CTNNA2: variants seen among roughly 807,000 people sequenced by gnomAD.
The protein encoded by CTNNA2 is catenin alpha-2.
A neutral mutation model predicts 101.0 loss-of-function variants in CTNNA2; 42 were observed. That is an observed-to-expected ratio of 0.42 (90% CI 0.32 to 0.54). The LOEUF is 0.54. Among genes scored for constraint, CTNNA2 ranks in the 20% least tolerant of loss-of-function variants. The pLI is 0.14. For synonymous variants in CTNNA2, 450 were observed against 456.4 expected, an observed-to-expected ratio of 0.99 and a Z score of 0.18; for missense variants, 871 against 1,223.1, an observed-to-expected ratio of 0.71 and a Z score of 4.29.
At chr2:79,396,989 C>T (rs1287251484) in intron 4 of CTNNA2, among the ~76,000 whole-genome samples, 1 of 152,068 alleles carries the variant, frequency 6.6e-6, no homozygotes, top group East Asian at 1.9e-4. Context: ...ATTTCTGGGA[C>T]TCACTCCCAG....
intron 1 of CTNNA2, among the ~76,000 whole-genome samples, chr2:79,539,756 C>T (rs1673295833): frequency 6.6e-6 from 1 of 152,050 alleles, no homozygotes; most frequent in South Asian, 2.1e-4. Flanking sequence ...ACTATCTGTC[C>T]TTCCACTTCC....
chr2:79,571,564 A>G (rs188949728), intron 1 of CTNNA2, among the ~76,000 whole-genome samples: 4 of 152,112 alleles, frequency 2.6e-5, no homozygotes, highest in African/African-American at 9.6e-5. Context: ...TTCCTAACTG[A>G]TCTTTCTTCT....
At chr2:79,967,761 AG>A (rs1378504718) in intron 7 of CTNNA2, among the ~76,000 whole-genome samples, 1 of 152,230 alleles carries the variant, frequency 6.6e-6, no homozygotes, top group African/African-American at 2.4e-5. Flanking sequence ...AAACAAATAC[AG>A]GTACACACAT....
At chr2:79,859,275 A>T (rs574400912) in intron 4 of CTNNA2, among the ~76,000 whole-genome samples, 2 of 152,218 alleles carry the variant, frequency 1.3e-5, no homozygotes, top group East Asian at 3.9e-4. Flanking sequence ...GCAGGTTATG[A>T]GGAGGGACCA....
chr2:80,444,538 G>A (rs1461752834), intron 9 of CTNNA2, among the ~76,000 whole-genome samples: 1 of 152,140 alleles, frequency 6.6e-6, no homozygotes, highest in Non-Finnish European at 1.5e-5. Context: ...ATTGTGGGAT[G>A]TTGATAGGGC....
intron 4 of CTNNA2, among the ~76,000 whole-genome samples, chr2:79,866,163 A>G (rs1558594115): frequency 6.6e-6 from 1 of 152,232 alleles, no homozygotes; most frequent in East Asian, 1.9e-4. Context: ...GGTACAGGCT[A>G]TTTTGAACAG....
intron 4 of CTNNA2, among the ~76,000 whole-genome samples, chr2:79,501,965 CTTT>C (rs59130555): frequency 1.9e-4 from 25 of 128,722 alleles, no homozygotes; most frequent in Admixed American, 3.2e-4. Flanking sequence ...GGATATTAGT[CTTT>C]TTTTTTTTTT....
At chr2:79,804,325 G>A (rs995944323) in intron 3 of CTNNA2, among the ~76,000 whole-genome samples, 1 of 152,160 alleles carries the variant, frequency 6.6e-6, no homozygotes, top group African/African-American at 2.4e-5. Flanking sequence ...TCTACCAGAT[G>A]AAGGGAAACA....
chr2:80,642,892 A>G (rs1225771424), intron 18 of CTNNA2, among the ~76,000 whole-genome samples: 1 of 152,108 alleles, frequency 6.6e-6, no homozygotes, highest in African/African-American at 2.4e-5. Context: ...ACACAAAATG[A>G]GGAGAGTATA....
chr2:79,575,961 A>G (rs1364791399), intron 1 of CTNNA2, among the ~76,000 whole-genome samples: 1 of 152,190 alleles, frequency 6.6e-6, no homozygotes, highest in African/African-American at 2.4e-5. Context: ...TGCTGTGAAC[A>G]CCAAATGAGA....
At chr2:79,412,650 G>T (rs1045266947) in intron 4 of CTNNA2, among the ~76,000 whole-genome samples, 1 of 152,012 alleles carries the variant, frequency 6.6e-6, no homozygotes. Flanking sequence ...TGACTACTGG[G>T]TACATAACGA....
intron 7 of CTNNA2, among the ~76,000 whole-genome samples, chr2:79,926,295 A>G (rs182959075): frequency 1.3e-5 from 2 of 152,250 alleles, no homozygotes; most frequent in African/African-American, 4.8e-5. Flanking sequence ...AACTCTTGGC[A>G]TGCATCATTT....
intron 4 of CTNNA2, among the ~76,000 whole-genome samples, chr2:79,867,019 T>C (rs1287652332): frequency 6.6e-6 from 1 of 152,158 alleles, no homozygotes; most frequent in African/African-American, 2.4e-5. Flanking sequence ...TACTTAACAT[T>C]CTTCATGGTG....
chr2:80,481,649 T>C (rs1416845945), intron 9 of CTNNA2, among the ~76,000 whole-genome samples: 1 of 152,144 alleles, frequency 6.6e-6, no homozygotes, highest in African/African-American at 2.4e-5. Context: ...TTTTTCGTCT[T>C]ATTCTGCTTC....
At chr2:80,360,197 T>G (rs975413078) in intron 7 of CTNNA2, among the ~76,000 whole-genome samples, 3 of 152,150 alleles carry the variant, frequency 2.0e-5, no homozygotes, top group Non-Finnish European at 2.9e-5. Context: ...TTTTTTCTGG[T>G]GAACCATAAG....
At chr2:79,500,280 A>T (rs775459786) in intron 4 of CTNNA2, among the ~76,000 whole-genome samples, 4 of 152,070 alleles carry the variant, frequency 2.6e-5, no homozygotes, top group Non-Finnish European at 5.9e-5. Flanking sequence ...CAACATCTAA[A>T]CTTATATTAC....
At chr2:79,696,915 C>T (rs949778284) in intron 2 of CTNNA2, among the ~76,000 whole-genome samples, 2 of 151,978 alleles carry the variant, frequency 1.3e-5, no homozygotes, top group Non-Finnish European at 2.9e-5. Context: ...ATAAGACAGA[C>T]ATTCAAGAGA....
At chr2:79,396,142 T>G (rs968883292) in intron 4 of CTNNA2, among the ~76,000 whole-genome samples, 1 of 152,154 alleles carries the variant, frequency 6.6e-6, no homozygotes, top group African/African-American at 2.4e-5. Flanking sequence ...TATCCCTTAG[T>G]GAGTTCAATA....
At chr2:79,758,037 A>G (rs530669793) in intron 3 of CTNNA2, among the ~76,000 whole-genome samples, 1 of 152,166 alleles carries the variant, frequency 6.6e-6, no homozygotes, top group Non-Finnish European at 1.5e-5. Context: ...GTTAATGACA[A>G]AATTGTATTT....
Sources: allele counts gnomAD v4.1 joint callset (sites outside exome capture counted in the v4.1 genomes callset), GRCh38; gene constraint gnomAD v4.1.1; transcripts MANE v1.5; gene names NCBI Gene and HGNC (gene_info 2026-07-23, HGNC 2026-07-21).